CEP170B: variants seen among roughly 807,000 people sequenced by gnomAD.
The protein encoded by CEP170B is centrosomal protein of 170 kDa protein B.
Under a neutral mutation model 120.6 loss-of-function variants are expected in CEP170B, and 55 were observed. That is an observed-to-expected ratio of 0.46 (90% CI 0.37 to 0.57). CEP170B has a LOEUF of 0.57. Ranked by LOEUF, CEP170B falls within the 20% of genes least tolerant of loss-of-function variation. The probability of loss-of-function intolerance (pLI) is 0.00; values close to 1 mark genes in which losing one functional copy is unlikely to be tolerated. For missense variants in CEP170B, 2,212 were observed against 2,253.3 expected (o/e 0.98, Z 0.37); for synonymous variants, 1,033 against 954.5 (o/e 1.08, Z -1.52).
rs1049862095 is a variant in CEP170B at position 104,867,946 on chromosome 14, G to A, written c.-27-478G>A. Among the ~76,000 whole-genome samples the A allele has an allele frequency of 6.6e-6, 1 of 152,072 alleles. No homozygotes were observed. Among genetic ancestry groups the A allele is most frequent in the Non-Finnish European group, 1.5e-5 (1 of 67,986 alleles). On this transcript the variant is annotated intron_variant, in intron 1 of 18. Transcript: ENST00000414716. The surrounding 1 kb of genome is among the most constrained non-coding windows in gnomAD (Gnocchi z 5.4). The stretch of plus-strand genomic sequence containing the variant: ...GGCTCAGTCTCAGAGTGTCCTGCTG[G>A]GGGGAGTGGGTCCTCTTGTTCAGTG...
chr14:104,873,941 G>A (rs1324202374), intron 2 of CEP170B, among the ~76,000 whole-genome samples: 3 of 152,174 alleles, frequency 2.0e-5, no homozygotes, highest in African/African-American at 7.2e-5. Context: ...GGGCTGAGGT[G>A]GGGATGCTGC....
chr14:104,892,413 G>A (rs1438649846), intron 13 of CEP170B, among the ~76,000 whole-genome samples: 1 of 152,158 alleles, frequency 6.6e-6, no homozygotes, highest in East Asian at 1.9e-4. Flanking sequence ...GGCCTCACTG[G>A]CCTGCAAGGG....
intron 17 of CEP170B, 31 bp downstream of exon 17, chr14:104,894,409 T>C (rs2841244): frequency 0.76 from 1,221,621 of 1,607,350 alleles, 474,493 homozygotes; most frequent in Middle Eastern, 0.83. Flanking sequence ...CCCCTTGGCC[T>C]GCCCCCAGCC....
intron 6 of CEP170B, among the ~76,000 whole-genome samples, chr14:104,882,139 G>C (rs1162285593): frequency 6.6e-6 from 1 of 152,164 alleles, no homozygotes; most frequent in Non-Finnish European, 1.5e-5. Flanking sequence ...CGGCTTCTCA[G>C]AGGGAGTCAG....
chr14:104,884,135 C>T lies in CEP170B; in HGVS notation c.1356C>T (p.Val452=). 4 of 1,563,116 alleles carry T rather than the reference C, an allele frequency of 2.6e-6. No homozygotes were observed. Among genetic ancestry groups the T allele is most frequent in the Non-Finnish European group, 2.6e-6 (3 of 1,154,874 alleles). Residue 452 remains valine (V), a synonymous_variant, in exon 9 of 19, where the codon GTC becomes GTT. Transcript: ENST00000414716. ...ACCGCCCCAGTGTCCCAGCCCCAGT[C>T]CAGGCAGGGGGCCGCAGCTCGGGGC... ...DRDRPSVPAP[V]QAGGRSSGPQ...
In CEP170B at chr14:104,884,961, G is replaced by A. The variant is rs375832428; in HGVS notation, c.1771-408G>A. 2.3e-4 allele frequency among the ~76,000 whole-genome samples: 26 copies of A among 115,064 alleles called. No homozygotes were observed. In the East Asian group the frequency reaches 7.4e-3, roughly 33 times the overall value. The allele number at this position is 115,064 out of a possible 152,430, so 75.5% of individuals were successfully genotyped here. On this transcript the variant is annotated intron_variant, in intron 9 of 18. Coordinates refer to ENST00000414716, the MANE Select transcript of CEP170B (RefSeq NM_001112726.3). ...CTCGTGGGGAACGGGGGGTGGAGGC[G>A]ATGCCGGGGGTGGCGAGTGAGAGCC...
intron 2 of CEP170B, among the ~76,000 whole-genome samples, chr14:104,873,290 T>A (rs1595315069): frequency 7.6e-5 from 1 of 13,170 alleles, no homozygotes; most frequent in Admixed American, 9.6e-4. Flanking sequence ...GAAGCTGGTG[T>A]GGGCCGGGTG....
In CEP170B at chr14:104,880,436, G is replaced by A. The variant is rs1326198825; in HGVS notation, c.472+11G>A. On this transcript the variant is annotated intron_variant, in intron 6 of 18. Coordinates refer to ENST00000414716, the MANE Select transcript of CEP170B (RefSeq NM_001112726.3). ...GGAGACCAGGAACAGGTAGGCCCAG[G>A]CAGTGCGGATGGGGTGAGCACACAG... 1.2e-6 allele frequency: 2 copies of A among 1,610,408 alleles called. No homozygotes were observed. The highest frequency in any genetic ancestry group is 1.7e-6 in the Non-Finnish European group (2 of 1,179,048).
In CEP170B at chr14:104,895,114, G is replaced by A. The variant is rs551280656; in HGVS notation, c.*156G>A. 8 of 819,656 alleles carry A rather than the reference G, an allele frequency of 9.8e-6. 1 individual carries two copies. Among genetic ancestry groups the A allele is most frequent in the African/African-American group, 5.2e-5 (3 of 57,330 alleles). The allele number at this position is 819,656 out of a possible 1,614,324, so 50.8% of individuals were successfully genotyped here. A position where few individuals can be genotyped will look rare whatever the true frequency, so the allele number is the denominator to read the frequency against. On this transcript the variant is annotated 3_prime_UTR_variant, in exon 19 of 19. Coordinates refer to ENST00000414716, the MANE Select transcript of CEP170B (RefSeq NM_001112726.3). ...GTGCCTCCCACGCCCTTGCCCCCTC[G>A]TCAGCTCCCAGCCAGCACCCTACTC... is the stretch of plus-strand genomic sequence containing the variant.
In CEP170B at chr14:104,884,161, C is replaced by T; in HGVS notation, c.1382C>T (p.Pro461Leu). The change falls in exon 9 of 19, where the codon CCA becomes CTA. Residue 461 changes from proline (P) to leucine (L), a missense_variant. Around this residue, in one of 2 missense-constraint regions of CEP170B, gnomAD observed 2,166 missense variants for 2,166.7 expected, o/e 1.00. Transcript: ENST00000414716. ...CAGGCAGGGGGCCGCAGCTCGGGGC[C>T]ACAGAGGGCCGGCTCGCTCAAGCGG... The part of the protein sequence containing the change: ...PVQAGGRSSG[P>L]QRAGSLKREK... The T allele has an allele frequency of 1.3e-6, 2 of 1,551,476 alleles. No individual in the cohort carries two copies. Among genetic ancestry groups the T allele is most frequent in the East Asian group, 2.4e-5 (1 of 41,394 alleles).
rs375862528 is a variant in CEP170B, at chr14:104,867,004, A to C, written c.-27-1420A>C. Among the ~76,000 whole-genome samples the C allele has an allele frequency of 2.6e-4, 39 of 152,276 alleles. 1 individual carries two copies. In the East Asian group the frequency reaches 2.7e-3, roughly 11 times the overall value. Reference sequence around the variant, plus strand: ...ACTCAGGAGCTCTGGGGCCGGCCTCACAGGTATGTGACTTGGAGACCCCCA... The same window carrying C: ...ACTCAGGAGCTCTGGGGCCGGCCTCCCAGGTATGTGACTTGGAGACCCCCA... On this transcript the variant is annotated intron_variant, in intron 1 of 18. Transcript: ENST00000414716. The surrounding 1 kb of genome is among the most constrained non-coding windows in gnomAD (Gnocchi z 5.4).
chr14:104,872,144 C>CCG (rs200484945), intron 2 of CEP170B, among the ~76,000 whole-genome samples: 3 of 144,582 alleles, frequency 2.1e-5, no homozygotes, highest in African/African-American at 7.8e-5. Flanking sequence ...CGTGTGTGTG[C>CCG]CGTGTGTGTG....
chr14:104,892,932 G>T, intron 13 of CEP170B, 44 bp from the exon 14 acceptor site: 5 of 1,548,500 alleles, frequency 3.2e-6, no homozygotes, highest in Non-Finnish European at 4.4e-6. Context: ...CTGCTGCCCC[G>T]ACTTCCTCTG....
intron 13 of CEP170B, among the ~76,000 whole-genome samples, chr14:104,890,367 TG>T (rs1896761418): frequency 1.3e-5 from 1 of 75,184 alleles, no homozygotes; most frequent in Non-Finnish European, 3.1e-5. Context: ...GATGGATGAG[TG>T]GGTGGGTGGA....
In CEP170B at chr14:104,887,561, G is replaced by T. The variant is rs1007557267; in HGVS notation, c.3322G>T (p.Ala1108Ser). Residue 1108 changes from alanine (A) to serine (S), a missense_variant, in exon 12 of 19, where the codon GCC becomes TCC. Coordinates refer to ENST00000414716, the MANE Select transcript of CEP170B (RefSeq NM_001112726.3). ...AGCCAGCTCCCAGAAGGGGCCGCAG[G>T]CCTTGACCCGCTCCAACAGCCTGTC... is the stretch of plus-strand genomic sequence containing the variant. ...SSASSQKGPQ[A>S]LTRSNSLSTP... 3.7e-6 allele frequency: 6 copies of T among 1,601,556 alleles called. No homozygotes were observed. In the African/African-American group the frequency reaches 8.0e-5, roughly 21 times the overall value.
chr14:104,880,902 A>T (rs1208931851), intron 6 of CEP170B, among the ~76,000 whole-genome samples: 1 of 135,168 alleles, frequency 7.4e-6, no homozygotes, highest in African/African-American at 2.9e-5. Flanking sequence ...TACCCCACAC[A>T]CACAGCTACC....
chr14:104,889,111 C>A (rs561032732), intron 12 of CEP170B, among the ~76,000 whole-genome samples: 2 of 152,208 alleles, frequency 1.3e-5, no homozygotes, highest in Non-Finnish European at 2.9e-5. Flanking sequence ...GCCTTGCTTG[C>A]GCTCTGACTG....
rs972838602 is a variant in CEP170B at position 104,868,665 on chromosome 14, C to T, written c.105+110C>T. The T allele has an allele frequency of 2.2e-5, 23 of 1,046,390 alleles. No homozygotes were observed. The highest frequency in any genetic ancestry group is 6.3e-5 in the African/African-American group (4 of 63,044). 64.8% of individuals were successfully genotyped at this position (1,046,390 alleles called of 1,614,324 possible). ...CTGCAGGCCACCCTGGCGAGGAGGC[C>T]GCCATGCAGCCCAGGCTGGGCCTCT... On this transcript the variant is annotated intron_variant, in intron 2 of 18. Coordinates refer to ENST00000414716, the MANE Select transcript of CEP170B (RefSeq NM_001112726.3). The surrounding 1 kb of genome is among the most constrained non-coding windows in gnomAD (Gnocchi z 5.9).
chr14:104,879,271 G>A (rs72700170), intron 5 of CEP170B, among the ~76,000 whole-genome samples: 4,346 of 152,196 alleles, frequency 0.029, 77 homozygotes, highest in Middle Eastern at 0.075. Flanking sequence ...CTACGTGTTA[G>A]AGGATTTGGC....
Sources: gnomAD v4.1 joint callset for allele counts (sites outside exome capture counted in the v4.1 genomes callset) on GRCh38, gnomAD v4.1.1 for gene constraint, gnomAD v4.1.1 regional missense constraint, Gnocchi (gnomAD v3.1) non-coding constraint, MANE v1.5 for transcripts, NCBI Gene and HGNC (gene_info 2026-07-23, HGNC 2026-07-21) for gene names.